Variants in AOPEP observed in about 807,000 individuals in gnomAD.
AOPEP encodes aminopeptidase O.
AOPEP carries 77 observed loss-of-function variants against 98.1 expected under a neutral mutation model. The observed-to-expected ratio is 0.78, with a 90% CI of 0.65 to 0.95. The LOEUF (loss-of-function observed/expected upper bound fraction) is 0.95. Ranked by LOEUF, AOPEP falls within the 40% of genes least tolerant of loss-of-function variation. The pLI is 0.00. For missense variants in AOPEP, 1,024 were observed against 1,024.7 expected (o/e 1.00, Z 0.01); for synonymous variants, 346 against 365.3 (o/e 0.95, Z 0.60).
the AOPEP span, among the ~76,000 whole-genome samples, chr9:95,120,048 A>AT: frequency 1.3e-5 from 2 of 152,062 alleles, no homozygotes; most frequent in East Asian, 1.9e-4. Context: ...TAATTTATCC[A>AT]TTTTTTCCTA....
At chr9:95,082,845 C>T in intron 16 of AOPEP, 126 bp downstream of exon 16, 1 of 1,139,222 alleles carries the variant, frequency 8.8e-7, no homozygotes, top group East Asian at 2.6e-5. Context: ...GCTCCCTGGC[C>T]CAGGGCCTGG....
At chr9:95,010,555 GGTGCCCTTGCCTCTTTTTGAGA>G (rs2062422833) in intron 13 of AOPEP, among the ~76,000 whole-genome samples, 1 of 152,190 alleles carries the variant, frequency 6.6e-6, no homozygotes, top group Admixed American at 6.5e-5. Context: ...CCCAGGCGTT[GGTGCCCTTGCCTCTTTTTGAGA>G]GTGCCATTGC....
chr9:94,954,439 A>G (rs925135568), intron 7 of AOPEP, among the ~76,000 whole-genome samples: 3 of 152,200 alleles, frequency 2.0e-5, no homozygotes, highest in Admixed American at 1.3e-4. Flanking sequence ...ATAAGCTAAC[A>G]CTAACGACAG....
intron 13 of AOPEP, among the ~76,000 whole-genome samples, chr9:95,032,460 T>C (rs2064397447): frequency 2.0e-5 from 3 of 152,250 alleles, no homozygotes; most frequent in Admixed American, 2.0e-4. Context: ...TCAAAGGTAT[T>C]ACTGAAACAA....
At chr9:94,978,773 A>G (rs1262863496) in intron 10 of AOPEP, among the ~76,000 whole-genome samples, 1 of 152,178 alleles carries the variant, frequency 6.6e-6, no homozygotes, top group Non-Finnish European at 1.5e-5. Flanking sequence ...CGGGGCATGA[A>G]AGCAAAATAA....
intron 1 of AOPEP, among the ~76,000 whole-genome samples, chr9:94,758,573 T>A (rs964494978): frequency 6.6e-6 from 1 of 152,168 alleles, no homozygotes; most frequent in East Asian, 1.9e-4. Context: ...ACTTGAAAAT[T>A]CAAGCAAGTA....
intron 5 of AOPEP, among the ~76,000 whole-genome samples, chr9:94,918,724 T>C (rs904150004): frequency 2.0e-5 from 3 of 152,134 alleles, no homozygotes; most frequent in African/African-American, 7.2e-5. Context: ...TGAGATGGCA[T>C]GTGTAAAATA....
intron 3 of AOPEP, among the ~76,000 whole-genome samples, chr9:94,781,387 A>G (rs1235270908): frequency 6.6e-6 from 1 of 152,174 alleles, no homozygotes; most frequent in Non-Finnish European, 1.5e-5. Flanking sequence ...TCATGGAAGA[A>G]ACATTTAAAA....
chr9:94,947,808 C>T (rs567114800), intron 7 of AOPEP, among the ~76,000 whole-genome samples: 1 of 152,330 alleles, frequency 6.6e-6, no homozygotes, highest in South Asian at 2.1e-4. Context: ...CTTATCTGCA[C>T]AGCGAGTAAG....
intron 2 of AOPEP, chr9:94,763,143 AC>A (rs1328112407): frequency 1.6e-4 from 74 of 457,560 alleles, no homozygotes; most frequent in South Asian, 1.2e-3. Context: ...AAATAAAATG[AC>A]TGGAAGCTTC....
intron 2 of AOPEP, among the ~76,000 whole-genome samples, chr9:94,764,129 A>G (rs1839024512): frequency 6.6e-6 from 1 of 152,232 alleles, no homozygotes; most frequent in African/African-American, 2.4e-5. Context: ...TTATGGGGAT[A>G]GTTTATTCTC....
At chr9:94,932,401 C>A in intron 7 of AOPEP, 1 of 394,522 alleles carries the variant, frequency 2.5e-6, no homozygotes, top group Non-Finnish European at 3.4e-6. Flanking sequence ...TTTATAAGAA[C>A]AGCTTTCCAT....
In AOPEP at chr9:94,884,294, G is replaced by A. The variant is rs914391915; in HGVS notation, c.1365-39692G>A. 3.9e-4 allele frequency among the ~76,000 whole-genome samples: 60 copies of A among 152,206 alleles called. 1 individual carries two copies. Among genetic ancestry groups the A allele is most frequent in the Admixed American group, 3.5e-3 (54 of 15,288 alleles). On this transcript the variant is annotated intron_variant, in intron 5 of 16. Transcript: ENST00000375315. Reference sequence around the variant, plus strand: ...ACAAAAAACAATTAAGGGTGCTTACGTGAGACTTTGAAATTCAAACCCAAG... The same window carrying A: ...ACAAAAAACAATTAAGGGTGCTTACATGAGACTTTGAAATTCAAACCCAAG...
chr9:94,739,263 C>T (rs565646799), intron 1 of AOPEP, among the ~76,000 whole-genome samples: 62 of 152,310 alleles, frequency 4.1e-4, no homozygotes, highest in African/African-American at 1.4e-3. Context: ...TCTTCAGACC[C>T]TTTTGGGGTT....
intron 5 of AOPEP, among the ~76,000 whole-genome samples, chr9:94,829,534 AAAAC>A (rs920884030): frequency 3.9e-5 from 6 of 152,216 alleles, no homozygotes; most frequent in Non-Finnish European, 8.8e-5. Flanking sequence ...TGTACTTCAC[AAAAC>A]AAACAGGCCA....
chr9:94,965,526 A>T (rs2059134717), intron 9 of AOPEP, among the ~76,000 whole-genome samples: 1 of 152,268 alleles, frequency 6.6e-6, no homozygotes, highest in Non-Finnish European at 1.5e-5. Flanking sequence ...ACACCTTGTC[A>T]TACAAATGGT....
intron 10 of AOPEP, among the ~76,000 whole-genome samples, chr9:94,974,233 T>G (rs964501147): frequency 1.3e-5 from 2 of 152,354 alleles, no homozygotes; most frequent in South Asian, 2.1e-4. Context: ...GAATTAATGC[T>G]TTCATCTTTC....
chr9:94,785,266 T>G (rs532226653), intron 3 of AOPEP, among the ~76,000 whole-genome samples: 1 of 152,356 alleles, frequency 6.6e-6, no homozygotes, highest in African/African-American at 2.4e-5. Context: ...CCTCTTGTGA[T>G]TTGAAAATTG....
the AOPEP span, among the ~76,000 whole-genome samples, chr9:95,093,500 CTT>C: frequency 6.6e-6 from 1 of 152,190 alleles, no homozygotes; most frequent in African/African-American, 2.4e-5. Context: ...GCAGCCCTCT[CTT>C]AGAGCAAACA....
Sources: allele counts gnomAD v4.1 joint callset (sites outside exome capture counted in the v4.1 genomes callset), GRCh38; gene constraint gnomAD v4.1.1; transcripts MANE v1.5; gene names NCBI Gene and HGNC (gene_info 2026-07-23, HGNC 2026-07-21).